The following CNTNAP2 variants were observed in gnomAD, a reference collection of about 807,000 sequenced individuals.
The protein encoded by CNTNAP2 is contactin-associated protein-like 2.
Under a neutral mutation model 155.2 loss-of-function variants are expected in CNTNAP2, and 98 were observed. The ratio of observed to expected loss-of-function variants is 0.63; its 90% confidence interval spans 0.54 to 0.75. The LOEUF is 0.75. Ranked by LOEUF, CNTNAP2 falls within the 30% of genes least tolerant of loss-of-function variation. The pLI is 0.00. For missense variants in CNTNAP2, 1,727 were observed against 1,688.1 expected (o/e 1.02, Z -0.40); for synonymous variants, 651 against 631.2 (o/e 1.03, Z -0.47).
intron 1 of CNTNAP2, among the ~76,000 whole-genome samples, chr7:146,183,955 C>A (rs527236903): frequency 1.3e-5 from 2 of 152,248 alleles, no homozygotes; most frequent in African/African-American, 4.8e-5. Flanking sequence ...TTACTTTGGG[C>A]ACAGCTATTG....
chr7:146,791,240 T>C (rs1328846385), intron 2 of CNTNAP2, among the ~76,000 whole-genome samples: 1 of 152,146 alleles, frequency 6.6e-6, no homozygotes, highest in Non-Finnish European at 1.5e-5. Context: ...GGTTTCCAGC[T>C]TCATCCATGT....
intron 1 of CNTNAP2, among the ~76,000 whole-genome samples, chr7:146,696,876 C>T (rs1800791235): frequency 6.6e-6 from 1 of 152,080 alleles, no homozygotes; most frequent in South Asian, 2.1e-4. Context: ...TAACAGTATA[C>T]TTTAAATAAC....
At chr7:147,978,842 A>AGGAG (rs1801475615) in intron 15 of CNTNAP2, among the ~76,000 whole-genome samples, 15 of 152,060 alleles carry the variant, frequency 9.9e-5, no homozygotes, top group Non-Finnish European at 2.2e-4. Context: ...CAAATAGCTG[A>AGGAG]CTTGCCAGGA....
At chr7:148,153,835 G>C (rs6961110) in intron 17 of CNTNAP2, among the ~76,000 whole-genome samples, 1 of 152,196 alleles carries the variant, frequency 6.6e-6, no homozygotes, top group South Asian at 2.1e-4. Context: ...ACACCACTGC[G>C]GGGAGCCAAG....
chr7:146,581,066 G>A (rs1477123744), intron 1 of CNTNAP2, among the ~76,000 whole-genome samples: 1 of 152,080 alleles, frequency 6.6e-6, no homozygotes. Context: ...TGGGTCTTAA[G>A]CAACTTTAAA....
chr7:147,362,827 A>G (rs1470769869), intron 9 of CNTNAP2, among the ~76,000 whole-genome samples: 1 of 152,184 alleles, frequency 6.6e-6, no homozygotes, highest in Non-Finnish European at 1.5e-5. Context: ...TTACTGGCAT[A>G]ATTTTTGTAT....
intron 8 of CNTNAP2, among the ~76,000 whole-genome samples, chr7:147,164,420 G>C (rs562361063): frequency 3.3e-5 from 5 of 152,300 alleles, no homozygotes; most frequent in African/African-American, 1.2e-4. Context: ...TTCCCATTCA[G>C]ATGTGCTTTT....
rs559985260 is a variant in CNTNAP2, at chr7:148,166,574, G to A, written c.2774-5668G>A. Among the ~76,000 whole-genome samples, 170 of 151,820 alleles carry A rather than the reference G, an allele frequency of 1.1e-3. 1 individual carries two copies. The highest frequency in any genetic ancestry group is 3.8e-3 in the African/African-American group (157 of 41,378). ...CGATTATTTTGTCCCAGTCTTCTGT[G>A]CATTTTACAGTTGTATTATTCATTA... On this transcript the variant is annotated intron_variant, in intron 17 of 23. Transcript: ENST00000361727.
intron 1 of CNTNAP2, among the ~76,000 whole-genome samples, chr7:146,726,363 G>A (rs1293680168): frequency 1.3e-5 from 2 of 152,048 alleles, no homozygotes; most frequent in Non-Finnish European, 2.9e-5. Flanking sequence ...AATAATGGGG[G>A]TAAATAAAAT....
intron 15 of CNTNAP2, among the ~76,000 whole-genome samples, chr7:148,035,654 T>C (rs1802560030): frequency 6.6e-6 from 1 of 152,158 alleles, no homozygotes; most frequent in Non-Finnish European, 1.5e-5. Flanking sequence ...GGCAGAGACA[T>C]GGTACAGACA....
chr7:147,290,068 A>G (rs1252547244), intron 8 of CNTNAP2, among the ~76,000 whole-genome samples: 2 of 152,188 alleles, frequency 1.3e-5, no homozygotes, highest in African/African-American at 2.4e-5. Flanking sequence ...ATTGGCAACT[A>G]TTGAACCATT....
At chr7:146,362,604 A>C (rs751151770) in intron 1 of CNTNAP2, among the ~76,000 whole-genome samples, 3 of 152,180 alleles carry the variant, frequency 2.0e-5, no homozygotes, top group Non-Finnish European at 4.4e-5. Flanking sequence ...GTATGAGTTC[A>C]GATGGAGGGA....
intron 13 of CNTNAP2, among the ~76,000 whole-genome samples, chr7:147,749,385 T>G (rs1797097688): frequency 6.6e-6 from 1 of 152,194 alleles, no homozygotes; most frequent in African/African-American, 2.4e-5. Flanking sequence ...TTTCCCATTT[T>G]TTACTTTCAT....
At chr7:148,396,066 G>T (rs541205391) in intron 22 of CNTNAP2, among the ~76,000 whole-genome samples, 21 of 152,294 alleles carry the variant, frequency 1.4e-4, no homozygotes, top group African/African-American at 5.1e-4. Context: ...TGGGGTCTGT[G>T]CATGGAAATC....
chr7:146,303,392 G>T, intron 1 of CNTNAP2, among the ~76,000 whole-genome samples: 1 of 150,222 alleles, frequency 6.7e-6, no homozygotes, highest in East Asian at 2.0e-4. Flanking sequence ...CAAAACAGAA[G>T]TTTTTTTTTT....
At chr7:146,599,743 G>GAGATAGATAAAT (rs1554454021) in intron 1 of CNTNAP2, among the ~76,000 whole-genome samples, 4 of 145,706 alleles carry the variant, frequency 2.7e-5, no homozygotes, top group African/African-American at 1.0e-4. Flanking sequence ...ACGACAGACA[G>GAGATAGATAAAT]AGATAGATAG....
In CNTNAP2 at chr7:146,145,566, G is replaced by A. The variant is rs551142530; in HGVS notation, c.97+28593G>A. ...GAGTGAGAAAAATTGCCTGTGTGCC[G>A]GTTTCCCAGTGGAGGTACATGGAGA... On this transcript the variant is annotated intron_variant, in intron 1 of 23. Coordinates refer to ENST00000361727, the MANE Select transcript of CNTNAP2 (RefSeq NM_014141.6). Among the ~76,000 whole-genome samples the A allele has an allele frequency of 2.6e-5, 4 of 152,224 alleles. No homozygotes were observed. In the South Asian group the frequency reaches 6.2e-4, roughly 24 times the overall value.
At chr7:147,768,135 G>A (rs1392948075) in intron 13 of CNTNAP2, among the ~76,000 whole-genome samples, 2 of 152,054 alleles carry the variant, frequency 1.3e-5, no homozygotes, top group African/African-American at 2.4e-5. Flanking sequence ...GTATCAAAAG[G>A]TTTTTTATCT....
chr7:147,933,369 C>T (rs1444675951), intron 14 of CNTNAP2, among the ~76,000 whole-genome samples: 3 of 152,036 alleles, frequency 2.0e-5, no homozygotes, highest in East Asian at 1.9e-4. Context: ...GATATATGGA[C>T]CCCATGTTCA....
Sources: allele counts gnomAD v4.1 joint callset (sites outside exome capture counted in the v4.1 genomes callset), GRCh38; gene constraint gnomAD v4.1.1; transcripts MANE v1.5; gene names NCBI Gene and HGNC (gene_info 2026-07-23, HGNC 2026-07-21).